The following CYP4F8 variants were observed in gnomAD, a reference collection of about 807,000 sequenced individuals.
CYP4F8 encodes the protein cytochrome P450 family 4 subfamily F member 8.
In CYP4F8, 56 loss-of-function variants were observed where a neutral mutation model predicts 55.0. That is an observed-to-expected ratio of 1.02 (90% confidence interval 0.82 to 1.27). The LOEUF is 1.27. Among genes scored for constraint, CYP4F8 ranks in the 50% most tolerant of loss-of-function variants. CYP4F8 has a pLI of 0.00. For missense variants in CYP4F8, 680 were observed against 682.4 expected (o/e 1.00, Z 0.04); for synonymous variants, 288 against 267.3 (o/e 1.08, Z -0.76).
intron 5 of CYP4F8, among the ~76,000 whole-genome samples, chr19:15,620,888 AT>A (rs911733786): frequency 7.2e-5 from 11 of 151,770 alleles, no homozygotes; most frequent in African/African-American, 1.7e-4. Context: ...AACGACTAGG[AT>A]TTTTTTTTCT....
rs1163998552 is a variant in CYP4F8 at position 15,629,552 on chromosome 19, A to T, written c.*194A>T. ...GGGGAGATGTCTCTGTGCCCAAGAT[A>T]CTCACTGCCTCTCTGGGTGAGCACA... On this transcript the variant is annotated 3_prime_UTR_variant, in exon 13 of 13. Coordinates refer to ENST00000612078, the MANE Select transcript of CYP4F8 (RefSeq NM_007253.4). 4.3e-6 allele frequency: 3 copies of T among 703,586 alleles called. No homozygotes were observed. In the African/African-American group the frequency reaches 5.5e-5, roughly 13 times the overall value. The allele number at this position is 703,586 out of a possible 1,614,324, so 43.6% of individuals were successfully genotyped here. A position where few individuals can be genotyped will look rare whatever the true frequency, so the allele number is the denominator to read the frequency against.
intron 9 of CYP4F8, among the ~76,000 whole-genome samples, chr19:15,626,119 T>G (rs1972258629): frequency 6.6e-6 from 1 of 152,230 alleles, no homozygotes; most frequent in Non-Finnish European, 1.5e-5. Context: ...TCTAGTCCTT[T>G]TCTCTTCAGT....
At chr19:15,616,597 T>C (rs1972125220) in intron 2 of CYP4F8, among the ~76,000 whole-genome samples, 1 of 152,066 alleles carries the variant, frequency 6.6e-6, no homozygotes, top group Non-Finnish European at 1.5e-5. Context: ...AGTTTTCCCA[T>C]AGGAAGTAGC....
At chr19:15,627,069 A>C (rs763940738) in intron 9 of CYP4F8, 1 of 152,190 alleles carries the variant, frequency 6.6e-6, no homozygotes, top group Non-Finnish European at 1.5e-5. Flanking sequence ...CTGTTCTTGC[A>C]GCAGTCCCAC....
At chr19:15,622,155 G>A in intron 5 of CYP4F8, 64 bp from the exon 6 acceptor site, 1 of 1,555,514 alleles carries the variant, frequency 6.4e-7, no homozygotes, top group Non-Finnish European at 8.7e-7. Flanking sequence ...CCTGGTGGTT[G>A]GGGTTGCAGG....
At chr19:15,619,448 C>T in intron 3 of CYP4F8, 42 bp from the exon 4 acceptor site, 1 of 1,612,870 alleles carries the variant, frequency 6.2e-7, no homozygotes, top group South Asian at 1.1e-5. Flanking sequence ...AGTCCCTCCT[C>T]TATTCCTCTC....
In CYP4F8 at chr19:15,628,389, C is replaced by T. The variant is rs538379334; in HGVS notation, c.1203C>T (p.Gly401=). 2 of 1,614,124 alleles carry T rather than the reference C, an allele frequency of 1.2e-6. No individual in the cohort carries two copies. The highest frequency in any genetic ancestry group is 1.3e-5 in the African/African-American group (1 of 75,014). The change falls in exon 10 of 13, where the codon GGC becomes GGT. Residue 401 remains glycine, a synonymous_variant. Transcript: ENST00000612078. ...LHPPIPTFAR[G]CTQDVVLPDS... ...CCCCAATCCCTACATTCGCCCGCGG[C>T]TGCACCCAGGACGTGGTGCTCCCAG...
chr19:15,625,070 TA>T lies in CYP4F8; in HGVS notation c.1115+983del, dbSNP rs568035850. ...TTTTATAATTCCTGTTTGTGTTTCT[TA>T]AAAAAATATTTAAAAACCATTTTAT... On this transcript the variant is annotated intron_variant, in intron 9 of 12. Transcript: ENST00000612078. 5.9e-5 allele frequency among the ~76,000 whole-genome samples: 9 copies of T among 152,004 alleles called. No individual in the cohort carries two copies. In the South Asian group the frequency reaches 1.4e-3, roughly 24 times the overall value.
rs746760888 is a variant in CYP4F8, at chr19:15,630,517, A to G, written c.*1159A>G. On this transcript the variant is annotated 3_prime_UTR_variant, in exon 13 of 13. Transcript: ENST00000612078. ...TGATTTTGTACTTTTTAATGACTGC[A>G]TAGTATTTCATGGTGTATTTCTACA... is the stretch of plus-strand genomic sequence containing the variant. 1 of 152,222 alleles carries G rather than the reference A, an allele frequency of 6.6e-6. No individual in the cohort carries two copies. 9.4% of individuals were successfully genotyped at this position (152,222 alleles called of 1,614,324 possible). A position where few individuals can be genotyped will look rare whatever the true frequency, so the allele number is the denominator to read the frequency against.
At chr19:15,624,919 A>T (rs1972243049) in intron 9 of CYP4F8, among the ~76,000 whole-genome samples, 1 of 152,160 alleles carries the variant, frequency 6.6e-6, no homozygotes, top group African/African-American at 2.4e-5. Flanking sequence ...ATTTACTTAT[A>T]AAAACTCTTT....
chr19:15,622,019 C>T (rs1972199995), intron 5 of CYP4F8, 200 bp from the exon 6 acceptor site: 1 of 627,530 alleles, frequency 1.6e-6, no homozygotes, highest in African/African-American at 1.9e-5. Flanking sequence ...ACAGCTGGGG[C>T]TTGAACCCAG....
At chr19:15,621,030 C>G (rs934910004) in intron 5 of CYP4F8, among the ~76,000 whole-genome samples, 4 of 152,114 alleles carry the variant, frequency 2.6e-5, no homozygotes, top group African/African-American at 9.7e-5. Flanking sequence ...TGGTTTGGAT[C>G]CTTTCTCTAA....
chr19:15,629,635 C>A lies in CYP4F8; in HGVS notation c.*277C>A, dbSNP rs4019753. The A allele has an allele frequency of 0.58, 211,012 of 361,182 alleles. 62,744 individuals are homozygous for A. The highest frequency in any genetic ancestry group is 0.69 in the East Asian group (14,936 of 21,548). 22.4% of individuals were successfully genotyped at this position (361,182 alleles called of 1,614,324 possible). The stretch of plus-strand genomic sequence containing the variant: ...GTCTAAGTAAAGACTTTTTCCCCCC[C>A]AAAATAATTGTGTATTCTGATATAA... On this transcript the variant is annotated 3_prime_UTR_variant, in exon 13 of 13. Coordinates refer to ENST00000612078, the MANE Select transcript of CYP4F8 (RefSeq NM_007253.4).
chr19:15,629,234 T>C lies in CYP4F8; in HGVS notation c.1439T>C (p.Val480Ala). The C allele has an allele frequency of 2.5e-6, 4 of 1,612,908 alleles. No individual in the cohort carries two copies. Among genetic ancestry groups the C allele is most frequent in the Middle Eastern group, 3.4e-4 (2 of 5,934 alleles). ...GQKFAMAEMKVVLALTLLRFR... is the reference protein window; with the variant it reads ...GQKFAMAEMKAVLALTLLRFR... ...AAGTTCGCGATGGCAGAGATGAAGG[T>C]GGTCCTGGCGCTCACGCTGCTGCGC... is the stretch of plus-strand genomic sequence containing the variant. Residue 480 changes from valine (V) to alanine (A), a missense_variant, in exon 13 of 13, where the codon GTG (valine) becomes GCG (alanine). Transcript: ENST00000612078.
intron 5 of CYP4F8, 139 bp downstream of exon 5, chr19:15,619,901 C>A: frequency 8.9e-7 from 1 of 1,129,130 alleles, no homozygotes; most frequent in Non-Finnish European, 1.2e-6. Flanking sequence ...CCCCATGAGG[C>A]TAATAATCCT....
intron 5 of CYP4F8, 113 bp downstream of exon 5, chr19:15,619,875 C>T (rs1599858615): frequency 7.5e-7 from 1 of 1,341,626 alleles, no homozygotes; most frequent in East Asian, 2.5e-5. Flanking sequence ...TGCTCTTCCT[C>T]TCTGTGCCTT....
chr19:15,615,478 C>A (rs971033560), intron 1 of CYP4F8, 138 bp from the exon 2 acceptor site: 62 of 951,638 alleles, frequency 6.5e-5, no homozygotes, highest in Non-Finnish European at 9.2e-5. Context: ...CCTCTCCCCT[C>A]TCCCTTGGCC....
In CYP4F8 at chr19:15,623,277, C is replaced by A. The variant is rs781217568; in HGVS notation, c.820C>A (p.Arg274=). ...HDFTDAVIQE[R]RRTLTSQGVD... is the part of the protein sequence containing the mutation. Reference sequence around the variant, plus strand: ...CTTCACAGATGCCGTCATCCAGGAGCGGCGCCGCACCCTCACTAGCCAGGG... The same window carrying A: ...CTTCACAGATGCCGTCATCCAGGAGAGGCGCCGCACCCTCACTAGCCAGGG... The change falls in exon 7 of 13, where the codon CGG becomes AGG. Residue 274 remains arginine (R), a synonymous_variant. Coordinates refer to ENST00000612078, the MANE Select transcript of CYP4F8 (RefSeq NM_007253.4). 2 of 1,613,866 alleles carry A rather than the reference C, an allele frequency of 1.2e-6. No homozygotes were observed. The highest frequency in any genetic ancestry group is 1.7e-6 in the Non-Finnish European group (2 of 1,180,020).
At chr19:15,621,977 A>C in intron 5 of CYP4F8, 1 of 425,400 alleles carries the variant, frequency 2.4e-6, no homozygotes, top group South Asian at 3.3e-5. Flanking sequence ...GAGGGCTGTG[A>C]GTTGACCAAG....
Sources: allele counts gnomAD v4.1 joint callset (sites outside exome capture counted in the v4.1 genomes callset), GRCh38; gene constraint gnomAD v4.1.1; transcripts MANE v1.5; gene names NCBI Gene and HGNC (gene_info 2026-07-23, HGNC 2026-07-21).